Variants in B4GALNT2 observed in about 807,000 individuals in gnomAD.
The protein encoded by B4GALNT2 is beta-1,4-N-acetyl-galactosaminyltransferase 2 (SID blood group).
In B4GALNT2, 42 loss-of-function variants were observed where a neutral mutation model predicts 51.1. The observed-to-expected ratio is 0.82, with a 90% confidence interval of 0.64 to 1.06. The LOEUF (loss-of-function observed/expected upper bound fraction) is 1.06. B4GALNT2 is among the 50% of genes least tolerant of loss of function. The probability of loss-of-function intolerance (pLI) is 0.00; values close to 1 mark genes in which losing one functional copy is unlikely to be tolerated. For missense variants in B4GALNT2, 602 were observed against 633.6 expected, an observed-to-expected ratio of 0.95 and a Z score of 0.54; for synonymous variants, 253 against 251.7, an observed-to-expected ratio of 1.01 and a Z score of -0.05.
intron 6 of B4GALNT2, among the ~76,000 whole-genome samples, chr17:49,160,118 A>C (rs2042849358): frequency 6.6e-6 from 1 of 152,244 alleles, no homozygotes; most frequent in African/African-American, 2.4e-5. Context: ...ACACGGTTAC[A>C]GATGATATTC....
intron 3 of B4GALNT2, among the ~76,000 whole-genome samples, chr17:49,145,920 T>C (rs4794023): frequency 0.25 from 38,449 of 151,886 alleles, 5,362 homozygotes; most frequent in East Asian, 0.44. Flanking sequence ...TTAATGGAAT[T>C]GTTGTTGTGT....
chr17:49,124,455 G>A, the B4GALNT2 span, among the ~76,000 whole-genome samples: 1 of 152,144 alleles, frequency 6.6e-6, no homozygotes, highest in African/African-American at 2.4e-5. Context: ...AATTGACAAG[G>A]ATATCTGTTA....
the B4GALNT2 span, among the ~76,000 whole-genome samples, chr17:49,121,355 G>A: frequency 1.3e-5 from 2 of 152,182 alleles, no homozygotes; most frequent in Non-Finnish European, 2.9e-5. Flanking sequence ...AGGAATTGCT[G>A]TTTTAACTGG....
rs540261224 is a variant in B4GALNT2 at position 49,143,706 on chromosome 17, C to T, written c.353+1534C>T. On this transcript the variant is annotated intron_variant, in intron 3 of 10. Transcript: ENST00000393354. ...AGAAAAGGTAAGTTTATTTAGCTTA[C>T]GATTCTGGAGGCTGAGAAGTCTAAC... Among the ~76,000 whole-genome samples the T allele has an allele frequency of 4.6e-5, 7 of 152,328 alleles. No individual in the cohort carries two copies. The East Asian group carries it at 7.7e-4, about 17-fold the overall frequency.
At chr17:49,150,279 C>T (rs1381116812) in intron 3 of B4GALNT2, among the ~76,000 whole-genome samples, 7 of 94,074 alleles carry the variant, frequency 7.4e-5, no homozygotes, top group Admixed American at 2.2e-4. Context: ...GCCAGCCGCC[C>T]CGTCTGGGAG....
upstream of B4GALNT2, among the ~76,000 whole-genome samples, chr17:49,129,708 G>C (rs371051737): frequency 3.5e-4 from 38 of 107,342 alleles, no homozygotes; most frequent in African/African-American, 1.1e-3. Context: ...GAATATTTCT[G>C]TGTGGGGGGG....
rs35625808 is a variant in B4GALNT2, at chr17:49,160,629, G to A, written c.754G>A (p.Asp252Asn). Residue 252 changes from aspartate to asparagine, a missense_variant, in exon 7 of 11, where the codon GAC (aspartate) becomes AAC (asparagine). Asp to Asn is a conservative substitution (Grantham distance 23). Coordinates refer to ENST00000393354, the MANE Select transcript of B4GALNT2 (RefSeq NM_001159387.2). Reference protein sequence around the residue: ...IRHPVIPKLYDPGPERKLRNL... With the variant: ...IRHPVIPKLYNPGPERKLRNL... ...CCATCCTGTCATACCCAAGCTATAC[G>A]ACCCTGGACCAGGTAAGGCCCTTGT... 17 of 1,613,858 alleles carry A rather than the reference G, an allele frequency of 1.1e-5. No homozygotes were observed. Among genetic ancestry groups the A allele is most frequent in the African/African-American group, 5.3e-5 (4 of 74,880 alleles).
chr17:49,128,072 T>C (rs1311148686), upstream of B4GALNT2, among the ~76,000 whole-genome samples: 1 of 151,848 alleles, frequency 6.6e-6, no homozygotes, highest in East Asian at 1.9e-4. Context: ...GGGGTGAGGG[T>C]GAAGGTTAGA....
At chr17:49,157,433 G>A (rs926274920) in intron 5 of B4GALNT2, among the ~76,000 whole-genome samples, 3 of 151,900 alleles carry the variant, frequency 2.0e-5, no homozygotes, top group African/African-American at 4.8e-5. Context: ...CGAGTCTCCT[G>A]CCTCAGCCTC....
intron 6 of B4GALNT2, among the ~76,000 whole-genome samples, chr17:49,159,902 C>T (rs539092877): frequency 9.9e-5 from 15 of 152,184 alleles, no homozygotes; most frequent in African/African-American, 3.6e-4. Flanking sequence ...TTGTCTTGGG[C>T]ACTAATAGGA....
At chr17:49,153,718 G>A (rs1411068705) in intron 4 of B4GALNT2, among the ~76,000 whole-genome samples, 1 of 151,986 alleles carries the variant, frequency 6.6e-6, no homozygotes, top group African/African-American at 2.4e-5. Flanking sequence ...ATGTTGGCCA[G>A]GCTAGTCTCG....
At chr17:49,141,901 C>T (rs1437196997) in intron 2 of B4GALNT2, 134 bp from the exon 3 acceptor site, 25 of 1,155,718 alleles carry the variant, frequency 2.2e-5, no homozygotes, top group Admixed American at 4.0e-5. Flanking sequence ...TCCAGGGTCT[C>T]ATCATCTCAG....
Position 49,160,696 on chromosome 17 carries a change from AAATT to A in B4GALNT2, c.766+56_766+59del, listed in dbSNP as rs1555612253. The A allele has an allele frequency of 4.0e-6, 6 of 1,503,290 alleles. No individual in the cohort carries two copies. The South Asian group carries it at 6.8e-5, about 17-fold the overall frequency. The allele number at this position is 1,503,290 out of a possible 1,614,324, so 93.1% of individuals were successfully genotyped here. A position where few individuals can be genotyped will look rare whatever the true frequency, so the allele number is the denominator to read the frequency against. On this transcript the variant is annotated intron_variant, in intron 7 of 10. Transcript: ENST00000393354. ...TGGCAACCCTGTGAAGCTATTGGTG[AAATT>A]CAGAAGGGATCACCTCTGAGACGGA... is the stretch of plus-strand genomic sequence containing the variant.
upstream of B4GALNT2, among the ~76,000 whole-genome samples, chr17:49,131,667 C>T (rs1036670256): frequency 1.3e-5 from 2 of 151,898 alleles, no homozygotes; most frequent in Non-Finnish European, 2.9e-5. Flanking sequence ...TGTGCAATCA[C>T]CCCGGGCTAA....
intron 1 of B4GALNT2, among the ~76,000 whole-genome samples, chr17:49,137,722 C>T (rs1415944255): frequency 6.6e-6 from 1 of 152,070 alleles, no homozygotes; most frequent in Admixed American, 6.6e-5. Flanking sequence ...TTGTTCCCTC[C>T]CATTCTTTTT....
chr17:49,160,506 T>G, intron 6 of B4GALNT2, 49 bp from the exon 7 acceptor site: 1 of 1,570,352 alleles, frequency 6.4e-7, no homozygotes, highest in Non-Finnish European at 8.8e-7. Flanking sequence ...GCATGGAGTT[T>G]AATCCAGACA....
chr17:49,128,518 TAAG>T (rs2042521802), upstream of B4GALNT2, among the ~76,000 whole-genome samples: 1 of 152,038 alleles, frequency 6.6e-6, no homozygotes, highest in African/African-American at 2.4e-5. Context: ...AGGTTTTCAT[TAAG>T]AAGGATTTCA....
In B4GALNT2 at chr17:49,154,017, T is replaced by C. The variant is rs544835798; in HGVS notation, c.460+1111T>C. On this transcript the variant is annotated intron_variant, in intron 4 of 10. Transcript: ENST00000393354. ...GCCACTCTGTAAAAAGTGCTTTTTT[T>C]TTTTTGGGGACGGAGTCTTGCTGTC... 2.0e-5 allele frequency among the ~76,000 whole-genome samples: 3 copies of C among 146,516 alleles called. No individual in the cohort carries two copies. In the South Asian group the frequency reaches 6.8e-4, roughly 33 times the overall value.
At chr17:49,140,164 G>A (rs1181792041) in intron 1 of B4GALNT2, among the ~76,000 whole-genome samples, 1 of 151,084 alleles carries the variant, frequency 6.6e-6, no homozygotes, top group African/African-American at 2.4e-5. Context: ...GCAGTGGCGT[G>A]ATCTCAGCTC....
Sources: allele counts gnomAD v4.1 joint callset (sites outside exome capture counted in the v4.1 genomes callset), GRCh38; gene constraint gnomAD v4.1.1; transcripts MANE v1.5; gene names NCBI Gene and HGNC (gene_info 2026-07-23, HGNC 2026-07-21).